Variants in RPL6 observed in about 807,000 individuals in gnomAD.
The protein encoded by RPL6 is large ribosomal subunit protein eL6.
A neutral mutation model predicts 32.1 loss-of-function variants in RPL6; 1 was observed. That is an observed-to-expected ratio of 0.03 (90% CI 0.01 to 0.15). The LOEUF is 0.15. Ranked by LOEUF, RPL6 falls within the 10% of genes least tolerant of loss-of-function variation. RPL6 has a pLI of 1.00. For synonymous variants in RPL6, 126 were observed against 131.6 expected, an observed-to-expected ratio of 0.96 and a Z score of 0.29; for missense variants, 275 against 354.6, an observed-to-expected ratio of 0.78 and a Z score of 1.80.
upstream of RPL6, among the ~76,000 whole-genome samples, chr12:112,413,162 T>C (rs2037360628): frequency 6.6e-6 from 1 of 152,218 alleles, no homozygotes; most frequent in Non-Finnish European, 1.5e-5. Flanking sequence ...CTTGTATTGC[T>C]TTTGTAATTG....
intron 6 of RPL6, 59 bp from the exon 7 acceptor site, chr12:112,405,435 C>CA: frequency 6.5e-7 from 1 of 1,540,372 alleles, no homozygotes; most frequent in Non-Finnish European, 8.9e-7. Context: ...ACTTGTAGGT[C>CA]AACTAAGGAG....
chr12:112,413,700 G>T (rs1311892944), upstream of RPL6, among the ~76,000 whole-genome samples: 1 of 151,750 alleles, frequency 6.6e-6, no homozygotes, highest in Non-Finnish European at 1.5e-5. Flanking sequence ...CCATATAAAT[G>T]AATATGCCAG....
chr12:112,416,962 T>C (rs1234485465), intron 1 of RPL6, among the ~76,000 whole-genome samples: 1 of 152,226 alleles, frequency 6.6e-6, no homozygotes. Context: ...CTCACTTGTA[T>C]ATGAATGAAA....
chr12:112,415,629 T>C (rs912986463), intron 1 of RPL6, among the ~76,000 whole-genome samples: 1 of 152,034 alleles, frequency 6.6e-6, no homozygotes, highest in Admixed American at 6.6e-5. Context: ...GGCAGGAGAA[T>C]TGCTTGAATC....
At chr12:112,409,608 T>A (rs1314846391), upstream of RPL6, 4 of 398,094 alleles carry the variant, frequency 1.0e-5, no homozygotes, top group Non-Finnish European at 1.8e-5. Context: ...GGAAAGAGAA[T>A]TAAGGTCCCG....
At chr12:112,410,159 AAG>A (rs1457576760), upstream of RPL6, among the ~76,000 whole-genome samples, 7 of 152,282 alleles carry the variant, frequency 4.6e-5, no homozygotes, top group African/African-American at 1.4e-4. Context: ...AAAAGAAAAA[AAG>A]AAAAAAAATT....
chr12:112,408,171 G>A lies in RPL6; in HGVS notation c.336+69C>T, dbSNP rs183233229. ...GTATGCAGAAACTTACAGTATCTAA[G>A]TATTCAAAAACATCTTCACAGTATT... On this transcript the variant is annotated intron_variant, in intron 3 of 6. Coordinates refer to ENST00000202773, the MANE Select transcript of RPL6 (RefSeq NM_000970.6). 675 of 1,147,574 alleles carry A rather than the reference G, an allele frequency of 5.9e-4. 1 individual carries two copies. Among genetic ancestry groups the A allele is most frequent in the Non-Finnish European group, 7.9e-4 (614 of 780,942 alleles). The allele number at this position is 1,147,574 out of a possible 1,614,324, so 71.1% of individuals were successfully genotyped here. A position where few individuals can be genotyped will look rare whatever the true frequency, so the allele number is the denominator to read the frequency against.
At chr12:112,416,991 A>G (rs7315529) in intron 1 of RPL6, among the ~76,000 whole-genome samples, 307 of 152,360 alleles carry the variant, frequency 2.0e-3, no homozygotes, top group African/African-American at 7.0e-3. Flanking sequence ...CATTAAAAAA[A>G]TGAGGATTTT....
chr12:112,406,700 C>T (rs1350903842), intron 4 of RPL6, 47 bp downstream of exon 4: 2 of 1,604,788 alleles, frequency 1.2e-6, no homozygotes, highest in Non-Finnish European at 1.7e-6. Context: ...TGCCACCAGG[C>T]ACCCCAGGCA....
At position 112,406,742 on chromosome 12, in the gene RPL6, C is replaced by G; in HGVS notation, c.480+5G>C. 1 of 1,614,084 alleles carries G rather than the reference C, an allele frequency of 6.2e-7. No homozygotes were observed. Among genetic ancestry groups the G allele is most frequent in the Non-Finnish European group, 8.5e-7 (1 of 1,180,016 alleles). ...GTGAAGCGCCCCAAGCACAGGTACT[C>G]TCACCTTGCCCCTGTGGCGTCCAGT... On this transcript the variant is annotated splice_donor_5th_base_variant and intron_variant, in intron 4 of 6. Transcript: ENST00000202773.
rs968782950 is a variant in RPL6 at position 112,408,264 on chromosome 12, G to A, written c.312C>T (p.Thr104=). Residue 104 remains threonine, a synonymous_variant, in exon 3 of 7, where the codon ACC becomes ACT. Coordinates refer to ENST00000202773, the MANE Select transcript of RPL6 (RefSeq NM_000970.6). ...KPVGGDKNGG[T]RVVKLRKMPR... Reference sequence around the variant, plus strand: ...CCATTTTGCGAAGTTTAACCACCCGGGTACCGCCGTTCTTGTCACCACCAA... The same window carrying A: ...CCATTTTGCGAAGTTTAACCACCCGAGTACCGCCGTTCTTGTCACCACCAA... 6.2e-7 allele frequency: 1 copy of A among 1,613,972 alleles called. No individual in the cohort carries two copies. Among genetic ancestry groups the A allele is most frequent in the African/African-American group, 1.3e-5 (1 of 74,886 alleles).
intron 1 of RPL6, chr12:112,409,172 T>A: frequency 3.1e-6 from 1 of 320,176 alleles, no homozygotes; most frequent in Non-Finnish European, 5.6e-6. Context: ...AAGAGGCGAC[T>A]TCCGGTCGGG....
At chr12:112,406,952 T>C in intron 3 of RPL6, 62 bp from the exon 4 acceptor site, 7 of 1,566,354 alleles carry the variant, frequency 4.5e-6, no homozygotes, top group Non-Finnish European at 6.1e-6. Flanking sequence ...AGAAGCAAGC[T>C]ATGTCAGCCA....
rs765573513 is a variant in RPL6, at chr12:112,405,227, G to T, written c.864C>A (p.Phe288Leu). ...TTTAATTAGGTTCTTAAGACATTTA[G>T]AACACCAATTTGTGAGGATAAATTC... ...TNGIYPHKLV[F>L] The change falls in exon 7 of 7, where the codon TTC (phenylalanine) becomes TTA (leucine). Residue 288 changes from phenylalanine to leucine, a missense_variant. Coordinates refer to ENST00000202773, the MANE Select transcript of RPL6 (RefSeq NM_000970.6). 1 of 1,565,208 alleles carries T rather than the reference G, an allele frequency of 6.4e-7. No homozygotes were observed. The highest frequency in any genetic ancestry group is 8.6e-7 in the Non-Finnish European group (1 of 1,159,992).
chr12:112,412,923 CAAATAAATAAATAAATAAAT>C (rs55801942), upstream of RPL6, among the ~76,000 whole-genome samples: 2 of 146,322 alleles, frequency 1.4e-5, no homozygotes, highest in South Asian at 2.2e-4. Flanking sequence ...GACTCTGTCT[CAAATAAATAAATAAATAAAT>C]AAATAAATAA....
At position 112,405,849 on chromosome 12, in the gene RPL6, T is replaced by C; in HGVS notation, c.714+4A>G. 1 of 1,609,206 alleles carries C rather than the reference T, an allele frequency of 6.2e-7. No homozygotes were observed. Among genetic ancestry groups the C allele is most frequent in the Non-Finnish European group, 8.5e-7 (1 of 1,177,542 alleles). On this transcript the variant is annotated splice_donor_region_variant and intron_variant, in intron 6 of 6. Coordinates refer to ENST00000202773, the MANE Select transcript of RPL6 (RefSeq NM_000970.6). ...AACACAGGAGATGACAAGTAGAAAC[T>C]TACCTCTTTTTCTGTGTCGAAGATC...
At chr12:112,406,137 A>G in intron 5 of RPL6, 100 bp from the exon 6 acceptor site, 10 of 1,248,014 alleles carry the variant, frequency 8.0e-6, no homozygotes, top group Non-Finnish European at 1.0e-5. Flanking sequence ...AAAGAAGACC[A>G]CTTGTCTAAC....
At position 112,405,952 on chromosome 12, in the gene RPL6, A is replaced by G. The variant is rs779924633; in HGVS notation, c.615T>C (p.Asn205=). Residue 205 remains asparagine (N), a synonymous_variant, in exon 6 of 7, where the codon AAT becomes AAC. Coordinates refer to ENST00000202773, the MANE Select transcript of RPL6 (RefSeq NM_000970.6). ...IATSTKIDIS[N]VKIPKHLTDA... is the part of the protein sequence containing the mutation. ...CAGTAAGATGTTTTGGGATTTTTAC[A>G]TTGCTGATATCGATTTTGGTTGAAG... 4.2e-5 allele frequency: 68 copies of G among 1,613,958 alleles called. No individual in the cohort carries two copies. The highest frequency in any genetic ancestry group is 5.4e-5 in the Non-Finnish European group (64 of 1,180,004).
intron 6 of RPL6, 168 bp downstream of exon 6, chr12:112,405,685 A>G (rs148757504): frequency 2.9e-4 from 193 of 662,762 alleles, no homozygotes; most frequent in African/African-American, 2.8e-3. Context: ...TTGAGCTCCC[A>G]GACTGCCAAA....
Sources: allele counts gnomAD v4.1 joint callset (sites outside exome capture counted in the v4.1 genomes callset), GRCh38; gene constraint gnomAD v4.1.1; transcripts MANE v1.5; gene names NCBI Gene and HGNC (gene_info 2026-07-23, HGNC 2026-07-21).